The following KCNB2 variants were observed in gnomAD, a reference collection of about 807,000 sequenced individuals.
KCNB2 encodes the protein potassium voltage-gated channel subfamily B member 2.
KCNB2 carries 15 observed loss-of-function variants against 61.5 expected under a neutral mutation model. That is an observed-to-expected ratio of 0.24 (90% confidence interval 0.16 to 0.38). The LOEUF (loss-of-function observed/expected upper bound fraction) is 0.38, where lower values mean the gene tolerates loss of function less well. Among genes scored for constraint, KCNB2 ranks in the 10% least tolerant of loss-of-function variants. The pLI is 1.00. For synonymous variants in KCNB2, 457 were observed against 446.0 expected, an observed-to-expected ratio of 1.02 and a Z score of -0.31; for missense variants, 828 against 1,125.2, an observed-to-expected ratio of 0.74 and a Z score of 3.78.
chr8:72,676,194 T>C (rs1806650763), intron 2 of KCNB2, among the ~76,000 whole-genome samples: 1 of 152,110 alleles, frequency 6.6e-6, no homozygotes. Context: ...TTTGTCAAGG[T>C]CTCCTTTGCA....
chr8:72,561,433 T>C (rs1806509131), intron 1 of KCNB2, among the ~76,000 whole-genome samples: 1 of 151,570 alleles, frequency 6.6e-6, no homozygotes, highest in Admixed American at 6.6e-5. Flanking sequence ...TCTATTTTTT[T>C]TTTAAACTAA....
intron 2 of KCNB2, among the ~76,000 whole-genome samples, chr8:72,931,684 C>G (rs959460870): frequency 6.6e-6 from 1 of 152,098 alleles, no homozygotes; most frequent in East Asian, 1.9e-4. Flanking sequence ...CCTGCCAGCT[C>G]TGGAGGTCAG....
intron 2 of KCNB2, among the ~76,000 whole-genome samples, chr8:72,666,064 A>T (rs936310451): frequency 6.6e-6 from 1 of 151,666 alleles, no homozygotes. Context: ...CCATGTGTCT[A>T]TTTTTTTTTA....
In KCNB2 at chr8:72,917,749, G is replaced by A. The variant is rs1195110222; in HGVS notation, c.580-18186G>A. On this transcript the variant is annotated intron_variant, in intron 2 of 2. Transcript: ENST00000523207. ...AGGTATAATAGGTGAATGTTTTTGCGGTATAATTTAAAAGCCCCCACTAAT... is the reference window on the plus strand; with the variant it reads ...AGGTATAATAGGTGAATGTTTTTGCAGTATAATTTAAAAGCCCCCACTAAT... Among the ~76,000 whole-genome samples, 10 of 152,220 alleles carry A rather than the reference G, an allele frequency of 6.6e-5. No homozygotes were observed. In the East Asian group the frequency reaches 1.3e-3, roughly 21 times the overall value.
At chr8:72,727,485 T>C (rs1807672654) in intron 2 of KCNB2, among the ~76,000 whole-genome samples, 1 of 152,230 alleles carries the variant, frequency 6.6e-6, no homozygotes, top group African/African-American at 2.4e-5. Context: ...GAAGCATTTT[T>C]ATAGCTTACA....
At chr8:72,854,538 C>A (rs1402885500) in intron 2 of KCNB2, among the ~76,000 whole-genome samples, 1 of 152,056 alleles carries the variant, frequency 6.6e-6, no homozygotes, top group African/African-American at 2.4e-5. Flanking sequence ...TCTGTGGGTA[C>A]AATGGTGAGG....
chr8:72,867,917 G>A (rs13250976), intron 2 of KCNB2, among the ~76,000 whole-genome samples: 24,568 of 151,890 alleles, frequency 0.16, 2,617 homozygotes, highest in Non-Finnish European at 0.24. Flanking sequence ...TTCTTTCTGC[G>A]TTTTACCTCA....
intron 2 of KCNB2, among the ~76,000 whole-genome samples, chr8:72,669,261 G>T (rs79856429): frequency 6.6e-6 from 1 of 152,152 alleles, no homozygotes; most frequent in African/African-American, 2.4e-5. Flanking sequence ...TTTGTGAATT[G>T]CATGTGTATG....
At chr8:72,725,090 A>G (rs188548354) in intron 2 of KCNB2, among the ~76,000 whole-genome samples, 1 of 152,172 alleles carries the variant, frequency 6.6e-6, no homozygotes, top group East Asian at 1.9e-4. Context: ...AAATATGTTT[A>G]AAAAAGAAAA....
intron 2 of KCNB2, among the ~76,000 whole-genome samples, chr8:72,570,253 G>T (rs1322914458): frequency 6.6e-6 from 1 of 152,086 alleles, no homozygotes; most frequent in Admixed American, 6.5e-5. Flanking sequence ...AGCAGCCAAA[G>T]ACATTGGTTT....
intron 1 of KCNB2, among the ~76,000 whole-genome samples, chr8:72,557,495 C>T (rs1190667679): frequency 3.9e-5 from 6 of 152,184 alleles, no homozygotes; most frequent in African/African-American, 1.4e-4. Context: ...CATGAAATAT[C>T]TTTCCTAGGA....
At chr8:72,554,706 C>T (rs2128977621) in intron 1 of KCNB2, among the ~76,000 whole-genome samples, 1 of 152,142 alleles carries the variant, frequency 6.6e-6, no homozygotes, top group Non-Finnish European at 1.5e-5. Flanking sequence ...GTATTTTCAA[C>T]ATTTAAAAAA....
chr8:72,563,684 G>C (rs139103132), intron 1 of KCNB2, among the ~76,000 whole-genome samples: 1 of 152,116 alleles, frequency 6.6e-6, no homozygotes, highest in Non-Finnish European at 1.5e-5. Flanking sequence ...AGGGAAAATG[G>C]CAAGCAGGCA....
intron 1 of KCNB2, among the ~76,000 whole-genome samples, chr8:72,564,230 T>C (rs1296266952): frequency 6.6e-6 from 1 of 152,198 alleles, no homozygotes; most frequent in African/African-American, 2.4e-5. Context: ...GACTATGATA[T>C]AGCATTTCCT....
At chr8:72,595,980 T>C (rs1411917833) in intron 2 of KCNB2, among the ~76,000 whole-genome samples, 1 of 152,208 alleles carries the variant, frequency 6.6e-6, no homozygotes, top group Non-Finnish European at 1.5e-5. Flanking sequence ...AAAAGCTTCC[T>C]GACTCCTGGT....
chr8:72,592,039 A>G (rs1807107273), intron 2 of KCNB2, among the ~76,000 whole-genome samples: 1 of 152,146 alleles, frequency 6.6e-6, no homozygotes, highest in Non-Finnish European at 1.5e-5. Flanking sequence ...GATTCACATT[A>G]TTATTGAATT....
intron 2 of KCNB2, among the ~76,000 whole-genome samples, chr8:72,687,235 C>T (rs1214669882): frequency 2.6e-5 from 4 of 152,128 alleles, no homozygotes; most frequent in Non-Finnish European, 5.9e-5. Flanking sequence ...TTAATCAATA[C>T]AGTGTTTTTC....
At chr8:72,856,838 C>G (rs1033498234) in intron 2 of KCNB2, among the ~76,000 whole-genome samples, 3 of 152,034 alleles carry the variant, frequency 2.0e-5, no homozygotes, top group African/African-American at 7.2e-5. Flanking sequence ...CTCCTCTTGC[C>G]CCAGAATCAG....
chr8:72,717,108 A>T (rs1807457780), intron 2 of KCNB2, among the ~76,000 whole-genome samples: 1 of 152,212 alleles, frequency 6.6e-6, no homozygotes, highest in Admixed American at 6.5e-5. Context: ...CTTACAAGGG[A>T]TGTGAAGGAC....
Sources: gnomAD v4.1 joint callset for allele counts (sites outside exome capture counted in the v4.1 genomes callset) on GRCh38, gnomAD v4.1.1 for gene constraint, MANE v1.5 for transcripts, NCBI Gene and HGNC (gene_info 2026-07-23, HGNC 2026-07-21) for gene names.